The following IRS1 variants were observed in gnomAD, a reference collection of about 807,000 sequenced individuals.
IRS1 encodes the protein insulin receptor substrate 1.
Under a neutral mutation model 65.6 loss-of-function variants are expected in IRS1, and 34 were observed. The observed-to-expected ratio is 0.52, with a 90% CI of 0.39 to 0.69. IRS1 has a LOEUF of 0.69. Among genes scored for constraint, IRS1 ranks in the 30% least tolerant of loss-of-function variants. The pLI is 0.00. For synonymous variants in IRS1, 699 were observed against 683.5 expected (o/e 1.02, Z -0.35); for missense variants, 1,641 against 1,720.2 (o/e 0.95, Z 0.81).
chr2:226,799,665 C>A lies in IRS1; in HGVS notation c.-927G>T. On this transcript the variant is annotated 5_prime_UTR_variant, in exon 1 of 2. Transcript: ENST00000305123. The surrounding 1 kb of genome is among the most constrained non-coding windows in gnomAD (Gnocchi z 6.1). The stretch of plus-strand genomic sequence containing the variant: ...TGCAGTTACTTCTCCCCTCCTCCCT[C>A]CTCCTCCTCCTCCTCGGAGAGTTGC... 1 of 999,708 alleles carries A rather than the reference C, an allele frequency of 1.0e-6. No homozygotes were observed. Among genetic ancestry groups the A allele is most frequent in the Non-Finnish European group, 1.2e-6 (1 of 829,748 alleles). The allele number at this position is 999,708 out of a possible 1,614,324, so 61.9% of individuals were successfully genotyped here.
At chr2:226,785,909 A>C in intron 1 of IRS1, among the ~76,000 whole-genome samples, 2 of 117,662 alleles carry the variant, frequency 1.7e-5, no homozygotes, top group East Asian at 3.0e-4. Flanking sequence ...CTACCCCACA[A>C]CAGTCCCCAG....
intron 1 of IRS1, among the ~76,000 whole-genome samples, chr2:226,791,078 G>C (rs1223137957): frequency 2.0e-5 from 3 of 152,148 alleles, no homozygotes; most frequent in Admixed American, 6.5e-5. Context: ...CACAGCCCAG[G>C]AGGATGCGTT....
At chr2:226,750,331 C>CT (rs1938651492) in intron 1 of IRS1, among the ~76,000 whole-genome samples, 1 of 150,638 alleles carries the variant, frequency 6.6e-6, no homozygotes, top group Non-Finnish European at 1.5e-5. Flanking sequence ...TAGGGTGAGA[C>CT]TAAGCGTTCT....
In IRS1 at chr2:226,732,763, T is replaced by A. The variant is rs1241996718; in HGVS notation, c.*3509A>T. On this transcript the variant is annotated 3_prime_UTR_variant, in exon 2 of 2. Coordinates refer to ENST00000305123, the MANE Select transcript of IRS1 (RefSeq NM_005544.3). ...CAGCATTACCTCCAACTAACATTCA[T>A]CATTCATGGCATCCTAGGAACATTA... 5 of 151,222 alleles carry A rather than the reference T, an allele frequency of 3.3e-5. No homozygotes were observed. The highest frequency in any genetic ancestry group is 3.3e-4 in the Admixed American group (5 of 15,152). The allele number at this position is 151,222 out of a possible 1,614,324, so 9.4% of individuals were successfully genotyped here. A position where few individuals can be genotyped will look rare whatever the true frequency, so the allele number is the denominator to read the frequency against.
rs1559146727 is a variant in IRS1, at chr2:226,741,822, CACACATA to C, written c.*22-5579_*22-5573del. ...ACACACACACACACACACACACACA[CACACATA>C]ACACACACACACATATTATCATCAG... On this transcript the variant is annotated intron_variant, in intron 1 of 1. Transcript: ENST00000305123. 2.2e-3 allele frequency among the ~76,000 whole-genome samples: 288 copies of C among 133,276 alleles called. 1 individual carries two copies. Among genetic ancestry groups the C allele is most frequent in the African/African-American group, 5.1e-3 (186 of 36,762 alleles). The allele number at this position is 133,276 out of a possible 152,430, so 87.4% of individuals were successfully genotyped here. A position where few individuals can be genotyped will look rare whatever the true frequency, so the allele number is the denominator to read the frequency against.
At chr2:226,787,569 G>A (rs1306369111) in intron 1 of IRS1, among the ~76,000 whole-genome samples, 1 of 152,006 alleles carries the variant, frequency 6.6e-6, no homozygotes, top group Non-Finnish European at 1.5e-5. Context: ...AACATGATAG[G>A]TGCTCAATAG....
chr2:226,773,139 A>G (rs1939195238), intron 1 of IRS1, among the ~76,000 whole-genome samples: 2 of 152,224 alleles, frequency 1.3e-5, no homozygotes, highest in South Asian at 4.1e-4. Flanking sequence ...TATTTCTGGA[A>G]ACTTTGAAAC....
intron 1 of IRS1, chr2:226,792,274 C>G (rs1041475352): frequency 2.6e-5 from 4 of 152,016 alleles, no homozygotes; most frequent in African/African-American, 9.7e-5. Flanking sequence ...AATTTGATGC[C>G]AGGTAAAGGT....
chr2:226,757,431 A>G (rs1359908513), intron 1 of IRS1, among the ~76,000 whole-genome samples: 1 of 151,728 alleles, frequency 6.6e-6, no homozygotes, highest in Non-Finnish European at 1.5e-5. Flanking sequence ...CCTGACCAAC[A>G]TGGTAAAAAC....
chr2:226,797,666 C>G lies in IRS1; in HGVS notation c.1073G>C (p.Arg358Pro). 6.3e-7 allele frequency: 1 copy of G among 1,595,178 alleles called. No individual in the cohort carries two copies. The highest frequency in any genetic ancestry group is 1.1e-5 in the South Asian group (1 of 90,234). ...GTGCAGCCGGGCGCTGCCCCGATGC[C>G]GGTGGGCGTGGGTTCTGTTGGTGCT... ...SPSTNRTHAH[R>P]HRGSARLHPP... Residue 358 changes from arginine to proline, a missense_variant, in exon 1 of 2, where the codon CGG (arginine) becomes CCG (proline). By Grantham distance (103) the Arg-to-Pro change is moderately radical (BLOSUM62 -2). This residue lies in a region of IRS1 where 1,324 missense variants were observed against 1,361.0 expected (regional missense o/e 0.97). Transcript: ENST00000305123. This position sits in a 1 kb window ranked among gnomAD's most constrained non-coding sequence, Gnocchi z 8.1.
chr2:226,797,094 C>T lies in IRS1; in HGVS notation c.1645G>A (p.Glu549Lys). 6.2e-7 allele frequency: 1 copy of T among 1,613,608 alleles called. No homozygotes were observed. Among genetic ancestry groups the T allele is most frequent in the Non-Finnish European group, 8.5e-7 (1 of 1,179,988 alleles). The change falls in exon 1 of 2, where the codon GAG (glutamate) becomes AAG (lysine). Residue 549 changes from glutamate to lysine, a missense_variant. Around this residue, in one of 3 missense-constraint regions of IRS1, gnomAD observed 1,324 missense variants for 1,361.0 expected, o/e 0.97. Coordinates refer to ENST00000305123, the MANE Select transcript of IRS1 (RefSeq NM_005544.3). This position sits in a 1 kb window ranked among gnomAD's most constrained non-coding sequence, Gnocchi z 8.1. Reference sequence around the variant, plus strand: ...GCAGGCATCATCTCTGTGTACTCCTCAATGGAAGCCACTGAGGACTGGGAC... The same window carrying T: ...GCAGGCATCATCTCTGTGTACTCCTTAATGGAAGCCACTGAGGACTGGGAC... ...TPSQSSVASI[E>K]EYTEMMPAYP...
chr2:226,744,391 G>T (rs1423799311), intron 1 of IRS1, among the ~76,000 whole-genome samples: 1 of 152,136 alleles, frequency 6.6e-6, no homozygotes, highest in Admixed American at 6.6e-5. Context: ...TCCTTAAACA[G>T]GCCTAACAGA....
rs3731596 is a variant in IRS1, at chr2:226,797,473, A to G, written c.1266T>C (p.Asp422=). The change falls in exon 1 of 2, where the codon GAT becomes GAC. Residue 422 remains aspartate (D), a synonymous_variant. Coordinates refer to ENST00000305123, the MANE Select transcript of IRS1 (RefSeq NM_005544.3). This position sits in a 1 kb window ranked among gnomAD's most constrained non-coding sequence, Gnocchi z 8.1. ...SSASVSGSPS[D]GGFISSDEYG... ...ACTCATCCGAGGAGATGAAACCGCC[A>G]TCGCTGGGGGAACCAGACACCGAAG... 3,750 of 1,613,686 alleles carry G rather than the reference A, an allele frequency of 2.3e-3. 64 individuals are homozygous for G. The East Asian group carries it at 0.043, about 18-fold the overall frequency.
intron 1 of IRS1, among the ~76,000 whole-genome samples, chr2:226,766,507 G>A (rs1939051513): frequency 6.6e-6 from 1 of 151,920 alleles, no homozygotes. Context: ...TACTAAAGTA[G>A]TCATTATCTT....
intron 1 of IRS1, among the ~76,000 whole-genome samples, chr2:226,788,433 A>ATC (rs1939527751): frequency 6.6e-6 from 1 of 152,186 alleles, no homozygotes; most frequent in African/African-American, 2.4e-5. Flanking sequence ...TCAAAGCTCT[A>ATC]TTATTCAAAG....
rs1938315589 is a variant in IRS1 at position 226,735,959 on chromosome 2, G to C, written c.*313C>G. 1 of 152,560 alleles carries C rather than the reference G, an allele frequency of 6.6e-6. No individual in the cohort carries two copies. Among genetic ancestry groups the C allele is most frequent in the South Asian group, 2.1e-4 (1 of 4,824 alleles). The allele number at this position is 152,560 out of a possible 1,614,324, so 9.5% of individuals were successfully genotyped here. Reference sequence around the variant, plus strand: ...CCATTCTCTCATGACACGGTGGTGGGCACATCAGCTCACTGTGGCCAGCTA... The same window carrying C: ...CCATTCTCTCATGACACGGTGGTGGCCACATCAGCTCACTGTGGCCAGCTA... On this transcript the variant is annotated 3_prime_UTR_variant, in exon 2 of 2. Transcript: ENST00000305123.
chr2:226,799,271 C>T lies in IRS1; in HGVS notation c.-533G>A, dbSNP rs1939839327. The T allele has an allele frequency of 8.6e-6, 10 of 1,161,012 alleles. 1 individual carries two copies. Among genetic ancestry groups the T allele is most frequent in the South Asian group, 5.0e-5 (3 of 59,456 alleles). 71.9% of individuals were successfully genotyped at this position (1,161,012 alleles called of 1,614,324 possible). On this transcript the variant is annotated 5_prime_UTR_variant, in exon 1 of 2. Coordinates refer to ENST00000305123, the MANE Select transcript of IRS1 (RefSeq NM_005544.3). The surrounding 1 kb of genome is among the most constrained non-coding windows in gnomAD (Gnocchi z 6.1). ...ACGTTGCACGGGGTTCTCCCTCCTC[C>T]TTCGCCTCCTCCCACCCCCCAACCG...
Position 226,798,267 on chromosome 2 carries a change from G to A in IRS1, c.472C>T (p.Pro158Ser). The A allele has an allele frequency of 6.2e-7, 1 of 1,613,246 alleles. No individual in the cohort carries two copies. Among genetic ancestry groups the A allele is most frequent in the Non-Finnish European group, 8.5e-7 (1 of 1,179,906 alleles). ...DLSYGDVPPGPAFKEVWQVIL... is the reference protein window; with the variant it reads ...DLSYGDVPPGSAFKEVWQVIL... ...ACTTGCCAGACCTCTTTGAATGCGG[G>A]TCCTGGGGGCACGTCACCGTAGCTC... Residue 158 changes from proline to serine, a missense_variant, in exon 1 of 2, where the codon CCC becomes TCC. Transcript: ENST00000305123. This position sits in a 1 kb window ranked among gnomAD's most constrained non-coding sequence, Gnocchi z 9.4.
At position 226,799,516 on chromosome 2, in the gene IRS1, A is replaced by G; in HGVS notation, c.-778T>C. The G allele has an allele frequency of 8.9e-7, 1 of 1,120,916 alleles. No individual in the cohort carries two copies. The highest frequency in any genetic ancestry group is 1.1e-6 in the Non-Finnish European group (1 of 898,230). The allele number at this position is 1,120,916 out of a possible 1,614,324, so 69.4% of individuals were successfully genotyped here. On this transcript the variant is annotated 5_prime_UTR_variant, in exon 1 of 2. Transcript: ENST00000305123. This position sits in a 1 kb window ranked among gnomAD's most constrained non-coding sequence, Gnocchi z 6.1. ...GCAGCTGGGGACCGGCCGGAGGGAC[A>G]GACTCATCCCTGCCCCTCGCTCCAG...
Sources: allele counts gnomAD v4.1 joint callset (sites outside exome capture counted in the v4.1 genomes callset), GRCh38; gene constraint gnomAD v4.1.1; regional missense constraint gnomAD v4.1.1; non-coding constraint Gnocchi (gnomAD v3.1); transcripts MANE v1.5; gene names NCBI Gene and HGNC (gene_info 2026-07-23, HGNC 2026-07-21).